The following SIPA1L3 variants were observed in gnomAD, a reference collection of about 807,000 sequenced individuals.
SIPA1L3 encodes the protein signal-induced proliferation-associated 1-like protein 3.
A neutral mutation model predicts 150.1 loss-of-function variants in SIPA1L3; 59 were observed. That is an observed-to-expected ratio of 0.39 (90% CI 0.32 to 0.49). The LOEUF (loss-of-function observed/expected upper bound fraction) is 0.49, where lower values mean the gene tolerates loss of function less well. Ranked by LOEUF, SIPA1L3 falls within the 20% of genes least tolerant of loss-of-function variation. The pLI is 0.86. For missense variants in SIPA1L3, 2,211 were observed against 2,489.5 expected, an observed-to-expected ratio of 0.89 and a Z score of 2.38; for synonymous variants, 1,070 against 1,077.6, an observed-to-expected ratio of 0.99 and a Z score of 0.14.
intron 15 of SIPA1L3, among the ~76,000 whole-genome samples, chr19:38,165,784 C>T (rs561285574): frequency 3.3e-5 from 5 of 152,098 alleles, no homozygotes; most frequent in African/African-American, 4.8e-5. Context: ...GTTTTTTAGA[C>T]GGAGTTTCGT....
chr19:38,119,049 G>T (rs569921944), intron 8 of SIPA1L3, among the ~76,000 whole-genome samples: 1 of 152,054 alleles, frequency 6.6e-6, no homozygotes, highest in East Asian at 1.9e-4. Flanking sequence ...AAACAAAATT[G>T]GCTGGGCATG....
At chr19:38,064,400 A>G (rs536273793) in intron 2 of SIPA1L3, among the ~76,000 whole-genome samples, 1 of 152,360 alleles carries the variant, frequency 6.6e-6, no homozygotes, top group Non-Finnish European at 1.5e-5. Flanking sequence ...GTATTATTAT[A>G]TAAGAAAAAA....
intron 1 of SIPA1L3, among the ~76,000 whole-genome samples, chr19:38,007,933 C>T (rs1283134795): frequency 6.6e-6 from 1 of 152,172 alleles, no homozygotes; most frequent in African/African-American, 2.4e-5. Flanking sequence ...TCTACACCAT[C>T]CTCCTTGGAA....
chr19:38,148,350 C>G (rs1400064193), intron 12 of SIPA1L3, among the ~76,000 whole-genome samples: 5 of 128,792 alleles, frequency 3.9e-5, no homozygotes, highest in Non-Finnish European at 8.4e-5. Context: ...GACTCCATCT[C>G]AAAAAAAAAA....
Position 37,993,140 on chromosome 19 carries a change from C to T in SIPA1L3, c.-378-35949C>T, listed in dbSNP as rs148466078. Among the ~76,000 whole-genome samples the T allele has an allele frequency of 1.1e-4, 16 of 152,238 alleles. No homozygotes were observed. In the South Asian group the frequency reaches 3.1e-3, roughly 30 times the overall value. On this transcript the variant is annotated intron_variant, in intron 1 of 21. Coordinates refer to ENST00000222345, the MANE Select transcript of SIPA1L3 (RefSeq NM_015073.3). ...AGCTGGATTCAAACCCTGGCTGTGT[C>T]AGGTCTGAGTTATGAGACCTTGAAT...
At chr19:37,910,725 C>T (rs2046370373) in intron 1 of SIPA1L3, among the ~76,000 whole-genome samples, 1 of 152,150 alleles carries the variant, frequency 6.6e-6, no homozygotes. Flanking sequence ...CTGCCTCAGC[C>T]TCCTGAGTAT....
chr19:37,971,572 T>G (rs1417102247), intron 1 of SIPA1L3, among the ~76,000 whole-genome samples: 5 of 21,474 alleles, frequency 2.3e-4, no homozygotes, highest in Admixed American at 5.8e-4. Flanking sequence ...TTTTTGGGGT[T>G]TTTTTTTTGC....
chr19:38,197,790 C>A (rs1032786693), intron 18 of SIPA1L3, among the ~76,000 whole-genome samples: 27 of 152,074 alleles, frequency 1.8e-4, no homozygotes, highest in Non-Finnish European at 3.7e-4. Context: ...CCTATCACGG[C>A]CCCACCCTGG....
chr19:38,100,880 C>G (rs1970487131), intron 5 of SIPA1L3, among the ~76,000 whole-genome samples, 172 bp from the exon 6 acceptor site: 1 of 152,238 alleles, frequency 6.6e-6, no homozygotes, highest in African/African-American at 2.4e-5. Flanking sequence ...GGAGGGACAA[C>G]TGGGACATGC....
intron 12 of SIPA1L3, among the ~76,000 whole-genome samples, chr19:38,150,090 A>G (rs1971784539): frequency 6.6e-6 from 1 of 152,168 alleles, no homozygotes; most frequent in Non-Finnish European, 1.5e-5. Flanking sequence ...CTTATAGTCA[A>G]AGTTGCTTTT....
At chr19:38,145,056 T>C (rs1971674950) in intron 12 of SIPA1L3, among the ~76,000 whole-genome samples, 1 of 152,072 alleles carries the variant, frequency 6.6e-6, no homozygotes, top group African/African-American at 2.4e-5. Context: ...CAGCAGGGGC[T>C]GAGGTTGGAA....
chr19:38,198,116 C>T (rs1003600329), intron 18 of SIPA1L3, among the ~76,000 whole-genome samples: 16 of 152,200 alleles, frequency 1.1e-4, no homozygotes, highest in African/African-American at 3.4e-4. Context: ...CTGGCTGTTC[C>T]GTCTGCCTGG....
At chr19:37,926,304 A>T (rs1478587908) in intron 1 of SIPA1L3, among the ~76,000 whole-genome samples, 2 of 152,154 alleles carry the variant, frequency 1.3e-5, no homozygotes. Context: ...TGTGGCCTCA[A>T]ACCAGGGCTT....
chr19:37,959,817 C>CTT (rs34291572), intron 1 of SIPA1L3, among the ~76,000 whole-genome samples: 60 of 128,796 alleles, frequency 4.7e-4, no homozygotes, highest in East Asian at 1.3e-3. Flanking sequence ...AAAAAACTTT[C>CTT]TTTTTTTTTT....
intron 1 of SIPA1L3, among the ~76,000 whole-genome samples, chr19:37,952,488 C>G (rs2046773676): frequency 6.6e-6 from 1 of 151,886 alleles, no homozygotes; most frequent in South Asian, 2.1e-4. Context: ...GCCTGGCCAA[C>G]ATGGTGAAAC....
intron 1 of SIPA1L3, among the ~76,000 whole-genome samples, chr19:38,028,814 TC>T (rs1968575676): frequency 6.6e-6 from 1 of 151,406 alleles, no homozygotes; most frequent in Non-Finnish European, 1.5e-5. Context: ...TGCCTCAGCC[TC>T]CCAAGTACCT....
rs1970959797 is a variant in SIPA1L3 at position 38,119,247 on chromosome 19, C to A, written c.2292-59C>A. 3 of 1,443,032 alleles carry A rather than the reference C, an allele frequency of 2.1e-6. No individual in the cohort carries two copies. The East Asian group carries it at 6.9e-5, about 33-fold the overall frequency. 89.4% of individuals were successfully genotyped at this position (1,443,032 alleles called of 1,614,324 possible). ...TTCCTATTTTTTGATCGAATATTTT[C>A]TCTCTGAAGTGTCTTAGTGCCTTTC... On this transcript the variant is annotated intron_variant, in intron 8 of 21. Coordinates refer to ENST00000222345, the MANE Select transcript of SIPA1L3 (RefSeq NM_015073.3).
At chr19:37,999,911 A>G (rs1967742063) in intron 1 of SIPA1L3, among the ~76,000 whole-genome samples, 1 of 152,166 alleles carries the variant, frequency 6.6e-6, no homozygotes, top group Non-Finnish European at 1.5e-5. Flanking sequence ...GAAAGAAGGT[A>G]CCTGGGGCCA....
At chr19:37,974,517 A>C (rs1356403764) in intron 1 of SIPA1L3, among the ~76,000 whole-genome samples, 1 of 151,876 alleles carries the variant, frequency 6.6e-6, no homozygotes, top group Non-Finnish European at 1.5e-5. Flanking sequence ...GTGTCTCAAA[A>C]AAAAAAAAAA....
Sources: gnomAD v4.1 joint callset for allele counts (sites outside exome capture counted in the v4.1 genomes callset) on GRCh38, gnomAD v4.1.1 for gene constraint, MANE v1.5 for transcripts, NCBI Gene and HGNC (gene_info 2026-07-23, HGNC 2026-07-21) for gene names.